Variants in MAP4 observed in about 807,000 individuals in gnomAD.
The protein encoded by MAP4 is microtubule associated protein 4, also known as microtubule-associated protein 4.
MAP4 carries 76 observed loss-of-function variants against 170.2 expected under a neutral mutation model. The observed-to-expected ratio is 0.45, with a 90% confidence interval of 0.37 to 0.54. The LOEUF is 0.54. Ranked by LOEUF, MAP4 falls within the 20% of genes least tolerant of loss-of-function variation. The pLI, the probability that MAP4 is intolerant of heterozygous loss-of-function variation, is 0.00. For synonymous variants in MAP4, 909 were observed against 994.5 expected (o/e 0.91, Z 1.62); for missense variants, 2,506 against 2,748.0 (o/e 0.91, Z 1.97).
At chr3:47,925,093 A>G (rs1161333130) in intron 4 of MAP4, among the ~76,000 whole-genome samples, 1 of 152,190 alleles carries the variant, frequency 6.6e-6, no homozygotes, top group East Asian at 1.9e-4. Flanking sequence ...TACAGGCGTG[A>G]GCCACCGTGC....
At chr3:48,081,558 T>A (rs1011063258) in intron 1 of MAP4, among the ~76,000 whole-genome samples, 1 of 152,108 alleles carries the variant, frequency 6.6e-6, no homozygotes, top group African/African-American at 2.4e-5. Context: ...TAGCATGTAT[T>A]ATTCATTAAA....
Position 47,909,622 on chromosome 3 carries a change from CCT to C in MAP4, c.4797_4798del (p.Gly1600Ter). On this transcript the variant is annotated frameshift_variant, in exon 9 of 21. Coordinates refer to ENST00000683076, the MANE Select transcript of MAP4 (RefSeq NM_001385682.1). LOFTEE classifies it high-confidence loss of function. The stretch of plus-strand genomic sequence containing the variant: ...ATTCACTGGATGTGCTGGGAAATTA[CCT>C]CTATCTGCATATCCTTCTAGGGCTC... 1 of 1,613,750 alleles carries C rather than the reference CCT, an allele frequency of 6.2e-7. No homozygotes were observed. The highest frequency in any genetic ancestry group is 8.5e-7 in the Non-Finnish European group (1 of 1,179,882).
intron 9 of MAP4, among the ~76,000 whole-genome samples, chr3:47,903,487 C>G (rs561035620): frequency 1.3e-5 from 2 of 150,522 alleles, no homozygotes; most frequent in African/African-American, 4.9e-5. Flanking sequence ...GAGCCGAGAT[C>G]GCGCCACTGC....
chr3:48,028,459 G>T lies in MAP4; in HGVS notation c.-19-29580C>A, dbSNP rs116494495. Reference sequence around the variant, plus strand: ...GTCAGTAGACAGGAAAGGTGTGAGAGGGAGAGAAATGGAAAACAAAAGTAC... The same window carrying T: ...GTCAGTAGACAGGAAAGGTGTGAGATGGAGAGAAATGGAAAACAAAAGTAC... On this transcript the variant is annotated intron_variant, in intron 1 of 18. Coordinates refer to the MAP4 transcript ENST00000360240. 9.1e-3 allele frequency among the ~76,000 whole-genome samples: 1,380 copies of T among 152,122 alleles called. 22 individuals carry two copies. The highest frequency in any genetic ancestry group is 0.042 in the South Asian group (202 of 4,816).
At chr3:48,037,004 A>G (rs530049564) in intron 1 of MAP4, among the ~76,000 whole-genome samples, 26 of 152,234 alleles carry the variant, frequency 1.7e-4, no homozygotes, top group Middle Eastern at 3.2e-3. Context: ...TATGAAATGC[A>G]TAAGGCTCTC....
At chr3:48,086,051 C>CA (rs1283545128) in intron 1 of MAP4, among the ~76,000 whole-genome samples, 1 of 147,228 alleles carries the variant, frequency 6.8e-6, no homozygotes, top group Non-Finnish European at 1.5e-5. Context: ...GACTCCATCT[C>CA]AAAAAAATAT....
intron 10 of MAP4, chr3:47,892,537 A>G: frequency 1.4e-6 from 2 of 1,474,966 alleles, no homozygotes; most frequent in Non-Finnish European, 1.8e-6. Context: ...TGGAGCTCTA[A>G]TACCACCTAC....
At chr3:48,079,740 G>C (rs977249367) in intron 1 of MAP4, among the ~76,000 whole-genome samples, 5 of 152,080 alleles carry the variant, frequency 3.3e-5, no homozygotes, top group Admixed American at 3.3e-4. Context: ...CAAGAGGTCA[G>C]GAGATCGAGA....
chr3:47,948,565 G>A (rs1004032955), intron 3 of MAP4, among the ~76,000 whole-genome samples: 2 of 151,952 alleles, frequency 1.3e-5, no homozygotes, highest in Non-Finnish European at 2.9e-5. Flanking sequence ...TGTTAACAGT[G>A]TGTACAAACA....
At chr3:47,885,994 T>C (rs319690) in intron 10 of MAP4, among the ~76,000 whole-genome samples, 58,492 of 152,046 alleles carry the variant, frequency 0.38, 12,620 homozygotes, top group African/African-American at 0.59. Flanking sequence ...TCCCAAAGTG[T>C]TGGGATTACG....
chr3:48,029,339 G>C (rs952126471), intron 1 of MAP4, among the ~76,000 whole-genome samples: 1 of 151,990 alleles, frequency 6.6e-6, no homozygotes, highest in Non-Finnish European at 1.5e-5. Flanking sequence ...TCGGGAGGCT[G>C]GCATGAGAAT....
chr3:48,068,715 T>C (rs970607325), intron 1 of MAP4, among the ~76,000 whole-genome samples: 2 of 151,928 alleles, frequency 1.3e-5, no homozygotes, highest in African/African-American at 4.8e-5. Context: ...ACCCAGGAAG[T>C]GGAGGTTGCA....
At chr3:47,925,305 T>G (rs959526185) in intron 4 of MAP4, among the ~76,000 whole-genome samples, 1 of 152,150 alleles carries the variant, frequency 6.6e-6, no homozygotes, top group Non-Finnish European at 1.5e-5. Flanking sequence ...CTGAGGAAAT[T>G]AAACTCCACT....
chr3:47,974,447 C>G (rs578076839), intron 3 of MAP4: 1 of 982,830 alleles, frequency 1.0e-6, no homozygotes, highest in Non-Finnish European at 1.2e-6. Flanking sequence ...ATGTATATCT[C>G]AAAATCTTTC....
intron 17 of MAP4, among the ~76,000 whole-genome samples, chr3:47,863,424 C>A (rs775447504): frequency 6.6e-6 from 1 of 152,172 alleles, no homozygotes; most frequent in Non-Finnish European, 1.5e-5. Flanking sequence ...CCTGCCTCCA[C>A]TCTATGCTCC....
Position 47,916,335 on chromosome 3 carries a change from T to C in MAP4, c.1492A>G (p.Lys498Glu). The change falls in exon 7 of 21, where the codon AAA (lysine) becomes GAA (glutamate). Residue 498 changes from lysine (K) to glutamate (E), a missense_variant. Physicochemically the swap from Lys to Glu is moderately conservative, Grantham distance 56. Around this residue, in one of 3 missense-constraint regions of MAP4, gnomAD observed 2,008 missense variants for 2,206.0 expected, o/e 0.91. Transcript: ENST00000683076. ...ATGTCCTTCAACAAGCCCACTTCTTTTACTGTGGACGGAGCCACATCCTTG... is the reference window on the plus strand; with the variant it reads ...ATGTCCTTCAACAAGCCCACTTCTTCTACTGTGGACGGAGCCACATCCTTG... Reference protein sequence around the residue: ...PAKDVAPSTVKEVGLLKDMSP... With the variant: ...PAKDVAPSTVEEVGLLKDMSP... The C allele has an allele frequency of 1.2e-6, 2 of 1,614,260 alleles. No homozygotes were observed. The highest frequency in any genetic ancestry group is 1.3e-5 in the African/African-American group (1 of 75,060).
At chr3:47,864,251 T>A (rs1404793941) in intron 17 of MAP4, among the ~76,000 whole-genome samples, 1 of 152,068 alleles carries the variant, frequency 6.6e-6, no homozygotes, top group African/African-American at 2.4e-5. Context: ...TAAAAGATAT[T>A]TTTTTTGGGA....
At chr3:48,047,075 C>T (rs901759977) in intron 1 of MAP4, among the ~76,000 whole-genome samples, 2 of 149,912 alleles carry the variant, frequency 1.3e-5, no homozygotes, top group East Asian at 2.0e-4. Context: ...GCCTGGGCAA[C>T]AGAGTGAGAC....
rs758967842 is a variant in MAP4 at position 47,909,887 on chromosome 3, T to C, written c.4534A>G (p.Ile1512Val). The C allele has an allele frequency of 1.1e-5, 17 of 1,613,934 alleles. No homozygotes were observed. The East Asian group carries it at 2.0e-4, about 19-fold the overall frequency. The change falls in exon 9 of 21, where the codon ATT becomes GTT. Residue 1512 changes from isoleucine to valine, a missense_variant. Physicochemically the swap from Ile to Val is conservative, Grantham distance 29. Around this residue, in one of 3 missense-constraint regions of MAP4, gnomAD observed 2,008 missense variants for 2,206.0 expected, o/e 0.91. Coordinates refer to ENST00000683076, the MANE Select transcript of MAP4 (RefSeq NM_001385682.1). ...STSTGGVALP[I>V]TTAIETVNIH... is the part of the protein sequence containing the mutation. ...TTAACTGTTTCTATGGCTGTTGTAA[T>C]AGGTAGAGCAACTCCTCCTGTGCTT...
Sources: allele counts gnomAD v4.1 joint callset (sites outside exome capture counted in the v4.1 genomes callset), GRCh38; gene constraint gnomAD v4.1.1; regional missense constraint gnomAD v4.1.1; transcripts MANE v1.5; gene names NCBI Gene and HGNC (gene_info 2026-07-23, HGNC 2026-07-21).